The following TULP4 variants were observed in gnomAD, a reference collection of about 807,000 sequenced individuals.
TULP4 encodes tubby-related protein 4.
Under a neutral mutation model 129.0 loss-of-function variants are expected in TULP4, and 16 were observed. The ratio of observed to expected loss-of-function variants is 0.12; its 90% CI spans 0.08 to 0.19. The LOEUF is 0.19. Among genes scored for constraint, TULP4 ranks in the 10% least tolerant of loss-of-function variants. TULP4 has a pLI of 1.00. For missense variants in TULP4, 1,842 were observed against 2,059.1 expected (o/e 0.89, Z 2.04); for synonymous variants, 998 against 854.0 (o/e 1.17, Z -2.94).
chr6:158,267,761 C>A (rs912051639), intron 1 of TULP4, among the ~76,000 whole-genome samples: 2 of 152,194 alleles, frequency 1.3e-5, no homozygotes, highest in African/African-American at 4.8e-5. Context: ...AGGTCAGCCT[C>A]CCGTTTTCCT....
intron 1 of TULP4, among the ~76,000 whole-genome samples, chr6:158,389,779 C>T (rs1161816956): frequency 2.6e-5 from 4 of 152,074 alleles, no homozygotes; most frequent in African/African-American, 9.7e-5. Context: ...TGCAGAGAGA[C>T]CCTTTGGTTT....
Position 158,413,979 on chromosome 6 carries a change from A to G in TULP4, c.381+786A>G, listed in dbSNP as rs79150540. Among the ~76,000 whole-genome samples the G allele has an allele frequency of 2.6e-3, 393 of 152,262 alleles. 1 individual carries two copies. The highest frequency in any genetic ancestry group is 9.1e-3 in the African/African-American group (378 of 41,548). ...TTTCCCTGTGGCTGCCTTTCTATAC[A>G]CTTCTAAGGTACTTGGATTCTCATC... is the stretch of plus-strand genomic sequence containing the variant. On this transcript the variant is annotated intron_variant, in intron 2 of 13. Coordinates refer to ENST00000367097, the MANE Select transcript of TULP4 (RefSeq NM_020245.5). This position sits in a 1 kb window ranked among gnomAD's most constrained non-coding sequence, Gnocchi z 4.9.
At chr6:158,262,494 G>A (rs939496398) in intron 1 of TULP4, among the ~76,000 whole-genome samples, 1 of 152,200 alleles carries the variant, frequency 6.6e-6, no homozygotes, top group African/African-American at 2.4e-5. Context: ...CCTGCACATT[G>A]TTCTTTGCAG....
rs1583733483 is a variant in TULP4, at chr6:158,313,178, C to T, written c.-839C>T. On this transcript the variant is annotated 5_prime_UTR_variant, in exon 1 of 14. Transcript: ENST00000367097. ...GTAAGAGCGCTGGAACATTCTGCCT[C>T]TTGAGTGAAGGGGCCTTCTTTCTAG... 7.3e-6 allele frequency: 2 copies of T among 275,732 alleles called. No homozygotes were observed. The highest frequency in any genetic ancestry group is 4.4e-5 in the African/African-American group (2 of 45,868). 17.1% of individuals were successfully genotyped at this position (275,732 alleles called of 1,614,324 possible).
intron 1 of TULP4, among the ~76,000 whole-genome samples, chr6:158,370,429 C>G (rs1484706794): frequency 7.5e-6 from 1 of 133,382 alleles, no homozygotes; most frequent in East Asian, 2.1e-4. Context: ...TGCACTCCAG[C>G]CTGGACAACA....
intron 1 of TULP4, among the ~76,000 whole-genome samples, chr6:158,328,125 T>TGTGTGCGTGC (rs1554280506): frequency 1.9e-5 from 1 of 52,172 alleles, no homozygotes; most frequent in South Asian, 6.7e-4. Flanking sequence ...TGTGTGTGTG[T>TGTGTGCGTGC]GTGCGTGCGT....
intron 1 of TULP4, among the ~76,000 whole-genome samples, chr6:158,323,706 T>A (rs1779686256): frequency 6.6e-6 from 1 of 152,206 alleles, no homozygotes; most frequent in Non-Finnish European, 1.5e-5. Context: ...CAGGGCTACA[T>A]CATGGTTGAA....
At position 158,393,102 on chromosome 6, in the gene TULP4, C is replaced by G. The variant is rs111989401; in HGVS notation, c.253-19963C>G. Among the ~76,000 whole-genome samples the G allele has an allele frequency of 4.0e-3, 615 of 152,246 alleles. 11 individuals are homozygous for G. The highest frequency in any genetic ancestry group is 0.014 in the African/African-American group (571 of 41,552). ...AAAATTGGCCAAAACAAAGGGGCTA[C>G]AGGCCCCATGCAAGACTGAAACCCA... On this transcript the variant is annotated intron_variant, in intron 1 of 13. Transcript: ENST00000367097.
intron 1 of TULP4, among the ~76,000 whole-genome samples, chr6:158,409,466 A>G (rs1778041333): frequency 6.6e-6 from 1 of 152,144 alleles, no homozygotes. Context: ...TCTCCTTGAA[A>G]AGGGAAGGGA....
intron 1 of TULP4, among the ~76,000 whole-genome samples, chr6:158,289,352 A>G (rs1336821186): frequency 1.3e-5 from 2 of 151,746 alleles, no homozygotes; most frequent in African/African-American, 4.8e-5. Flanking sequence ...GCAAAGAATC[A>G]GTGTTTGGCT....
intron 1 of TULP4, among the ~76,000 whole-genome samples, chr6:158,342,907 C>G (rs1367792273): frequency 6.6e-6 from 1 of 151,444 alleles, no homozygotes; most frequent in East Asian, 1.9e-4. Context: ...TAAATGATCA[C>G]TGCTAGGCTT....
chr6:158,387,094 A>G (rs1474286707), intron 1 of TULP4, among the ~76,000 whole-genome samples: 1 of 152,190 alleles, frequency 6.6e-6, no homozygotes, highest in Non-Finnish European at 1.5e-5. Flanking sequence ...GTGGGCCCAC[A>G]GTGCTGCTCC....
At chr6:158,496,412 A>G (rs1232937197) in intron 11 of TULP4, among the ~76,000 whole-genome samples, 1 of 152,262 alleles carries the variant, frequency 6.6e-6, no homozygotes, top group Non-Finnish European at 1.5e-5. Context: ...TTTTTTAAAT[A>G]GTGCTGCATT....
Position 158,497,841 on chromosome 6 carries a change from A to C in TULP4, c.1871-828A>C, listed in dbSNP as rs570182116. Reference sequence around the variant, plus strand: ...GCAGTCATGCTGCAGGTCAGCCGCTAAGTGTTAAGGTGACCGCCATGGAGC... The same window carrying C: ...GCAGTCATGCTGCAGGTCAGCCGCTCAGTGTTAAGGTGACCGCCATGGAGC... On this transcript the variant is annotated intron_variant, in intron 11 of 13. Coordinates refer to ENST00000367097, the MANE Select transcript of TULP4 (RefSeq NM_020245.5). 1.1e-4 allele frequency among the ~76,000 whole-genome samples: 17 copies of C among 152,328 alleles called. No homozygotes were observed. The South Asian group carries it at 1.7e-3, about 15-fold the overall frequency.
At chr6:158,288,563 T>G (rs1432531124) in intron 1 of TULP4, among the ~76,000 whole-genome samples, 1 of 151,972 alleles carries the variant, frequency 6.6e-6, no homozygotes, top group African/African-American at 2.4e-5. Flanking sequence ...TGCAGTGGCG[T>G]GATCTCGGCT....
At chr6:158,387,128 GT>G (rs545097709) in intron 1 of TULP4, among the ~76,000 whole-genome samples, 230 of 152,288 alleles carry the variant, frequency 1.5e-3, no homozygotes, top group African/African-American at 5.2e-3. Context: ...AAGAGAAGCT[GT>G]GGCCCAGGGA....
In TULP4 at chr6:158,508,163, G is replaced by GT. The variant is rs1188876443; in HGVS notation, c.*1475dup. The GT allele has an allele frequency of 6.6e-6, 1 of 152,038 alleles. No homozygotes were observed. Among genetic ancestry groups the GT allele is most frequent in the Non-Finnish European group, 1.5e-5 (1 of 68,016 alleles). The allele number at this position is 152,038 out of a possible 1,614,324, so 9.4% of individuals were successfully genotyped here. ...TTTTTTGTTGTTGTTTTTTGTTGTT[G>GT]TTTTTTGTTTTTGTTTTTGTTTTTC... On this transcript the variant is annotated 3_prime_UTR_variant, in exon 14 of 14. Coordinates refer to ENST00000367097, the MANE Select transcript of TULP4 (RefSeq NM_020245.5).
chr6:158,314,863 C>T (rs1471465361), intron 1 of TULP4, among the ~76,000 whole-genome samples: 1 of 152,146 alleles, frequency 6.6e-6, no homozygotes, highest in African/African-American at 2.4e-5. Flanking sequence ...TATATTTGTA[C>T]ATGTAGATTC....
chr6:158,263,764 C>T (rs1778393758), intron 1 of TULP4, among the ~76,000 whole-genome samples: 1 of 150,150 alleles, frequency 6.7e-6, no homozygotes, highest in African/African-American at 2.5e-5. Flanking sequence ...TCAACAACAA[C>T]AACAACAGCA....
Sources: gnomAD v4.1 joint callset for allele counts (sites outside exome capture counted in the v4.1 genomes callset) on GRCh38, gnomAD v4.1.1 for gene constraint, Gnocchi (gnomAD v3.1) non-coding constraint, MANE v1.5 for transcripts, NCBI Gene and HGNC (gene_info 2026-07-23, HGNC 2026-07-21) for gene names.